ZHX2: variants seen among roughly 807,000 people sequenced by gnomAD.
ZHX2 encodes the protein zinc fingers and homeoboxes 2, also known as zinc fingers and homeoboxes protein 2.
Under a neutral mutation model 21.9 loss-of-function variants are expected in ZHX2, and 6 were observed. The ratio of observed to expected loss-of-function variants is 0.27; its 90% CI spans 0.15 to 0.54. The LOEUF (loss-of-function observed/expected upper bound fraction) is 0.54. ZHX2 is among the 20% of genes least tolerant of loss of function. The pLI is 0.95. For synonymous variants in ZHX2, 434 were observed against 437.1 expected (o/e 0.99, Z 0.09); for missense variants, 908 against 1,090.7 (o/e 0.83, Z 2.36).
chr8:122,918,812 G>A (rs1016278338), intron 2 of ZHX2, among the ~76,000 whole-genome samples: 1 of 151,930 alleles, frequency 6.6e-6, no homozygotes. Flanking sequence ...GGGCATGGTG[G>A]CAGCATGCAC....
intron 1 of ZHX2, among the ~76,000 whole-genome samples, chr8:122,862,441 A>G (rs1819189766): frequency 6.6e-6 from 1 of 151,972 alleles, no homozygotes; most frequent in East Asian, 1.9e-4. Context: ...CAAACTTTTA[A>G]CCTGCCCAGG....
chr8:122,803,127 A>G (rs1002712399), intron 1 of ZHX2, among the ~76,000 whole-genome samples: 1 of 152,116 alleles, frequency 6.6e-6, no homozygotes, highest in Admixed American at 6.5e-5. Flanking sequence ...TGAGCCTGGA[A>G]CGAGGGTGGG....
At chr8:122,879,496 C>T (rs946823291) in intron 2 of ZHX2, among the ~76,000 whole-genome samples, 1 of 142,410 alleles carries the variant, frequency 7.0e-6, no homozygotes, top group African/African-American at 2.9e-5. Flanking sequence ...TGAGCCACTG[C>T]ACCGGGCTGG....
chr8:122,850,045 A>T (rs1818851423), intron 1 of ZHX2, among the ~76,000 whole-genome samples: 1 of 152,332 alleles, frequency 6.6e-6, no homozygotes, highest in South Asian at 2.1e-4. Flanking sequence ...CCAGTCTTCA[A>T]TAGCTCAGTA....
At chr8:122,806,276 A>T (rs1469521699) in intron 1 of ZHX2, among the ~76,000 whole-genome samples, 1 of 152,184 alleles carries the variant, frequency 6.6e-6, no homozygotes, top group Non-Finnish European at 1.5e-5. Flanking sequence ...CAGTTTTTCT[A>T]TCTGTAGAAA....
Position 122,903,073 on chromosome 8 carries a change from A to G in ZHX2, c.-220+39534A>G, listed in dbSNP as rs1485533378. The stretch of plus-strand genomic sequence containing the variant: ...CATGGGCCTTTCCCCAAGTCAGGAC[A>G]CTCCTCCTAGCTGGGTGACTGCTTC... On this transcript the variant is annotated intron_variant, in intron 2 of 3. Coordinates refer to ENST00000314393, the MANE Select transcript of ZHX2 (RefSeq NM_014943.5). Among the ~76,000 whole-genome samples, 3 of 151,918 alleles carry G rather than the reference A, an allele frequency of 2.0e-5. No homozygotes were observed. In the East Asian group the frequency reaches 5.8e-4, roughly 29 times the overall value.
At chr8:122,871,487 A>G (rs369949738) in intron 2 of ZHX2, among the ~76,000 whole-genome samples, 3 of 132,352 alleles carry the variant, frequency 2.3e-5, no homozygotes, top group African/African-American at 5.8e-5. Context: ...ATGAGAGCAC[A>G]TGGACACAGG....
At chr8:122,897,665 A>G (rs1820132041) in intron 2 of ZHX2, among the ~76,000 whole-genome samples, 1 of 151,826 alleles carries the variant, frequency 6.6e-6, no homozygotes, top group Non-Finnish European at 1.5e-5. Context: ...TGCCTCACAT[A>G]TGATGTGATT....
At chr8:122,945,927 T>C (rs1456426851) in intron 2 of ZHX2, among the ~76,000 whole-genome samples, 1 of 152,120 alleles carries the variant, frequency 6.6e-6, no homozygotes, top group Non-Finnish European at 1.5e-5. Context: ...GGGCCCTGGA[T>C]GGTGCAGCCC....
At chr8:122,829,753 A>G (rs1818331769) in intron 1 of ZHX2, among the ~76,000 whole-genome samples, 1 of 152,258 alleles carries the variant, frequency 6.6e-6, no homozygotes, top group South Asian at 2.1e-4. Flanking sequence ...CCAAAAGGAT[A>G]TAAAATAAAT....
chr8:122,813,732 G>T (rs1373076035), intron 1 of ZHX2, among the ~76,000 whole-genome samples: 1 of 152,142 alleles, frequency 6.6e-6, no homozygotes, highest in African/African-American at 2.4e-5. Context: ...TCCAAAAAAT[G>T]GAATGCTCCA....
chr8:122,841,053 T>C lies in ZHX2; in HGVS notation c.-282-22424T>C, dbSNP rs528904429. Reference sequence around the variant, plus strand: ...ACATGAAAACTCTTGTTTCGAACACTGAGCATTGACTGTTTACCTGGCCCT... The same window carrying C: ...ACATGAAAACTCTTGTTTCGAACACCGAGCATTGACTGTTTACCTGGCCCT... On this transcript the variant is annotated intron_variant, in intron 1 of 3. Coordinates refer to ENST00000314393, the MANE Select transcript of ZHX2 (RefSeq NM_014943.5). Among the ~76,000 whole-genome samples the C allele has an allele frequency of 3.3e-5, 5 of 152,354 alleles. No homozygotes were observed. In the South Asian group the frequency reaches 1.0e-3, roughly 32 times the overall value.
At chr8:122,956,841 C>T (rs963223862) in intron 3 of ZHX2, among the ~76,000 whole-genome samples, 18 of 152,052 alleles carry the variant, frequency 1.2e-4, no homozygotes, top group African/African-American at 4.1e-4. Context: ...TGTCTAGGGG[C>T]GGCGGTTCTC....
rs145421820 is a variant in ZHX2, at chr8:122,847,276, G to A, written c.-282-16201G>A. On this transcript the variant is annotated intron_variant, in intron 1 of 3. Coordinates refer to ENST00000314393, the MANE Select transcript of ZHX2 (RefSeq NM_014943.5). The stretch of plus-strand genomic sequence containing the variant: ...AGCCAGAAATCTCTGCACTTCTCCC[G>A]TCAAGTCTGCCTCCCCACTGAGGGG... 6.1e-3 allele frequency among the ~76,000 whole-genome samples: 923 copies of A among 152,188 alleles called. 6 individuals are homozygous for A. Among genetic ancestry groups the A allele is most frequent in the Middle Eastern group, 0.017 (5 of 292 alleles).
At chr8:122,865,046 G>C (rs1049638243) in intron 2 of ZHX2, among the ~76,000 whole-genome samples, 4 of 152,122 alleles carry the variant, frequency 2.6e-5, no homozygotes, top group African/African-American at 9.7e-5. Context: ...GTTGTGCACA[G>C]GCTGTATATT....
intron 1 of ZHX2, among the ~76,000 whole-genome samples, chr8:122,830,849 C>T (rs774760364): frequency 5.9e-4 from 90 of 152,280 alleles, no homozygotes; most frequent in Non-Finnish European, 1.2e-3. Context: ...TTTGGTGTTG[C>T]ACAGTTTCAT....
At chr8:122,926,912 G>A (rs560651271) in intron 2 of ZHX2, among the ~76,000 whole-genome samples, 10 of 152,236 alleles carry the variant, frequency 6.6e-5, no homozygotes, top group South Asian at 6.2e-4. Context: ...ATGGCGTTTA[G>A]GGCCCACCCA....
chr8:122,973,201 A>G (rs551540974), intron 3 of ZHX2, 41 bp from the exon 4 acceptor site: 10 of 152,406 alleles, frequency 6.6e-5, no homozygotes, highest in Admixed American at 2.0e-4. Flanking sequence ...AACAATGGTC[A>G]TTTGCCTGAC....
At chr8:122,868,698 CA>C (rs35306891) in intron 2 of ZHX2, among the ~76,000 whole-genome samples, 27,057 of 100,386 alleles carry the variant, frequency 0.27, 2,802 homozygotes, top group East Asian at 0.34. Context: ...AAGACTCCGT[CA>C]AAAAAAAAAA....
Sources: gnomAD v4.1 joint callset for allele counts (sites outside exome capture counted in the v4.1 genomes callset) on GRCh38, gnomAD v4.1.1 for gene constraint, MANE v1.5 for transcripts, NCBI Gene and HGNC (gene_info 2026-07-23, HGNC 2026-07-21) for gene names.